Variants in SPDYE10 observed in about 807,000 individuals in gnomAD.
SPDYE10 encodes the protein speedy protein E10.
chr7:73,146,660 T>TA, the SPDYE10 span, among the ~76,000 whole-genome samples: 4 of 93,250 alleles, frequency 4.3e-5, no homozygotes, highest in East Asian at 8.6e-4. Context: ...GTCTCTGCTG[T>TA]AAAAAAAAAT....
At chr7:73,115,262 T>C in the SPDYE10 span, among the ~76,000 whole-genome samples, 1 of 152,146 alleles carries the variant, frequency 6.6e-6, no homozygotes, top group East Asian at 1.9e-4. Flanking sequence ...CTCTACATCC[T>C]GATGCACAAT....
chr7:73,149,524 T>C, the SPDYE10 span, among the ~76,000 whole-genome samples: 1 of 144,392 alleles, frequency 6.9e-6, no homozygotes, highest in East Asian at 2.1e-4. Flanking sequence ...CCTAACCTTG[T>C]GATTCACCTG....
At chr7:73,137,192 C>G in the SPDYE10 span, among the ~76,000 whole-genome samples, 2 of 149,446 alleles carry the variant, frequency 1.3e-5, no homozygotes, top group Non-Finnish European at 3.0e-5. Context: ...ACCAGCCTGA[C>G]CAACACGGTA....
the SPDYE10 span, among the ~76,000 whole-genome samples, chr7:73,134,561 G>GAAAGAAAGAAAGAA: frequency 1.3e-5 from 2 of 152,068 alleles, no homozygotes; most frequent in Non-Finnish European, 2.9e-5. Context: ...AAGAAAGAAA[G>GAAAGAAAGAAAGAA]AAAGAAACCG....
the SPDYE10 span, among the ~76,000 whole-genome samples, chr7:73,130,641 G>T: frequency 1.3e-5 from 2 of 152,182 alleles, no homozygotes; most frequent in African/African-American, 4.8e-5. Context: ...TTTTAGTAGA[G>T]ACAAGGTTTC....
At chr7:73,150,907 AATAT>A in the SPDYE10 span, among the ~76,000 whole-genome samples, 102 of 11,564 alleles carry the variant, frequency 8.8e-3, 16 homozygotes, top group East Asian at 0.03. Context: ...AAAAAAAAAA[AATAT>A]ATATATATAT....
chr7:73,121,426 C>CTT, the SPDYE10 span, among the ~76,000 whole-genome samples: 1 of 3,234 alleles, frequency 3.1e-4, no homozygotes, highest in Non-Finnish European at 8.4e-4. Context: ...CCATGCCTGG[C>CTT]TTTTTTTTTT....
the SPDYE10 span, among the ~76,000 whole-genome samples, chr7:73,147,749 C>T: frequency 2.6e-5 from 4 of 151,458 alleles, no homozygotes; most frequent in South Asian, 8.3e-4. Context: ...CCTGCCTCAG[C>T]CTCCCGAAGT....
chr7:73,135,533 T>C, the SPDYE10 span, among the ~76,000 whole-genome samples: 2 of 131,766 alleles, frequency 1.5e-5, no homozygotes, highest in Non-Finnish European at 1.6e-5. Flanking sequence ...TCTTTTCTTT[T>C]TTTTTTTTTT....
At chr7:73,149,873 C>G in the SPDYE10 span, among the ~76,000 whole-genome samples, 2 of 95,880 alleles carry the variant, frequency 2.1e-5, no homozygotes, top group Admixed American at 1.1e-4. Context: ...ATGCACAGGA[C>G]TTAGGGAGCA....
the SPDYE10 span, among the ~76,000 whole-genome samples, chr7:73,152,019 T>TG: frequency 9.2e-6 from 1 of 108,232 alleles, no homozygotes; most frequent in East Asian, 4.7e-4. Flanking sequence ...GTTTTTTGTG[T>TG]TTTTTTTTTT....
At chr7:73,134,700 A>G in the SPDYE10 span, among the ~76,000 whole-genome samples, 13 of 152,230 alleles carry the variant, frequency 8.5e-5, no homozygotes, top group Admixed American at 2.0e-4. Context: ...CGTCTCTACT[A>G]AAAATACAAG....
chr7:73,123,788 C>CCTCTCTCTCTCT, the SPDYE10 span, among the ~76,000 whole-genome samples: 4,092 of 97,212 alleles, frequency 0.042, 112 homozygotes, highest in East Asian at 0.088. Context: ...TCTCTCTCTC[C>CCTCTCTCTCTCT]CTCTCTCTCT....
the SPDYE10 span, among the ~76,000 whole-genome samples, chr7:73,115,493 C>T: frequency 2.0e-5 from 3 of 148,456 alleles, no homozygotes; most frequent in South Asian, 2.1e-4. Context: ...CAGCTGTATC[C>T]GTGTGAGTCT....
At chr7:73,125,079 C>A in the SPDYE10 span, among the ~76,000 whole-genome samples, 2 of 138,568 alleles carry the variant, frequency 1.4e-5, no homozygotes, top group Non-Finnish European at 3.1e-5. Context: ...CCCAAACCTA[C>A]CCACCCTCCT....
chr7:73,134,558 A>AAAGAAAGAAAGAAAGAAAGAAAGC, the SPDYE10 span, among the ~76,000 whole-genome samples: 1 of 152,102 alleles, frequency 6.6e-6, no homozygotes, highest in Non-Finnish European at 1.5e-5. Context: ...AGAAAGAAAG[A>AAAGAAAGAAAGAAAGAAAGAAAGC]AAGAAAGAAA....
At chr7:73,152,204 G>A in the SPDYE10 span, among the ~76,000 whole-genome samples, 3 of 136,556 alleles carry the variant, frequency 2.2e-5, no homozygotes, top group Non-Finnish European at 3.1e-5. Context: ...CAGTGGAGAC[G>A]GGGTTTCACC....
At chr7:73,134,527 GAAAGAAAGAA>G in the SPDYE10 span, among the ~76,000 whole-genome samples, 2,104 of 10,994 alleles carry the variant, frequency 0.19, 15 homozygotes, top group African/African-American at 0.37. Context: ...TAATAAAAAA[GAAAGAAAGAA>G]AAAGAAAGAA....
the SPDYE10 span, among the ~76,000 whole-genome samples, chr7:73,136,829 G>GGTGA: frequency 1.9e-5 from 1 of 52,546 alleles, no homozygotes; most frequent in African/African-American, 1.6e-4. Context: ...ATGCACTCTG[G>GGTGA]GTGAGTGTCA....
Sources: gnomAD v4.1 joint callset for allele counts (sites outside exome capture counted in the v4.1 genomes callset) on GRCh38, gnomAD v4.1.1 for gene constraint, MANE v1.5 for transcripts, NCBI Gene and HGNC (gene_info 2026-07-23, HGNC 2026-07-21) for gene names.